FHIT: variants seen among roughly 807,000 people sequenced by gnomAD.
FHIT encodes the protein fragile histidine triad diadenosine triphosphatase.
FHIT carries 19 observed loss-of-function variants against 17.9 expected under a neutral mutation model. The ratio of observed to expected loss-of-function variants is 1.06; its 90% CI spans 0.74 to 1.56. The LOEUF is 1.56. Among genes scored for constraint, FHIT ranks in the 40% most tolerant of loss-of-function variants. The probability of loss-of-function intolerance (pLI) is 0.00; values close to 1 mark genes in which losing one functional copy is unlikely to be tolerated. For synonymous variants in FHIT, 81 were observed against 69.7 expected, an observed-to-expected ratio of 1.16 and a Z score of -0.81; for missense variants, 248 against 189.2, an observed-to-expected ratio of 1.31 and a Z score of -1.82.
At chr3:59,793,888 G>A (rs1699670262) in intron 8 of FHIT, among the ~76,000 whole-genome samples, 1 of 152,126 alleles carries the variant, frequency 6.6e-6, no homozygotes, top group African/African-American at 2.4e-5. Flanking sequence ...TCCTCACTGA[G>A]GCTTAGCAAT....
At chr3:61,134,425 C>A (rs1215622647) in intron 2 of FHIT, among the ~76,000 whole-genome samples, 1 of 152,088 alleles carries the variant, frequency 6.6e-6, no homozygotes, top group African/African-American at 2.4e-5. Flanking sequence ...GGAAGTATAG[C>A]AGTAAACAGG....
intron 5 of FHIT, among the ~76,000 whole-genome samples, chr3:60,474,045 A>G (rs2033222646): frequency 6.6e-6 from 1 of 152,176 alleles, no homozygotes; most frequent in African/African-American, 2.4e-5. Flanking sequence ...AGAAAAAAAG[A>G]CATCTTCATA....
intron 8 of FHIT, among the ~76,000 whole-genome samples, chr3:59,838,584 T>C (rs909587410): frequency 2.0e-5 from 3 of 152,138 alleles, no homozygotes; most frequent in African/African-American, 7.2e-5. Context: ...TCTGCTCTAC[T>C]GTGGAGTGGC....
At chr3:60,081,106 T>C (rs1435517311) in intron 5 of FHIT, among the ~76,000 whole-genome samples, 1 of 152,072 alleles carries the variant, frequency 6.6e-6, no homozygotes, top group African/African-American at 2.4e-5. Context: ...AGACAAATCT[T>C]AGAGGAATGC....
At position 60,863,057 on chromosome 3, in the gene FHIT, G is replaced by C. The variant is rs142653230; in HGVS notation, c.-110-41046C>G. 6.6e-3 allele frequency among the ~76,000 whole-genome samples: 998 copies of C among 152,228 alleles called. 12 individuals are homozygous for C. The highest frequency in any genetic ancestry group is 0.027 in the Middle Eastern group (8 of 294). ...GTGGAAGGTGGAAGAATCAGTCAGA[G>C]TGAGAAAGCAGAAGAGGATGCAGGA... On this transcript the variant is annotated intron_variant, in intron 3 of 9. Coordinates refer to ENST00000492590, the MANE Select transcript of FHIT (RefSeq NM_002012.4).
intron 2 of FHIT, among the ~76,000 whole-genome samples, chr3:61,180,621 G>A (rs1251582070): frequency 2.0e-5 from 3 of 152,164 alleles, no homozygotes; most frequent in Admixed American, 6.5e-5. Context: ...ACTAAATACC[G>A]AGGTTATGTT....
intron 4 of FHIT, among the ~76,000 whole-genome samples, chr3:60,783,474 C>T (rs1553726163): frequency 6.6e-6 from 1 of 152,164 alleles, no homozygotes; most frequent in Non-Finnish European, 1.5e-5. Context: ...GGATAAAGAA[C>T]AAGGCCAAGG....
chr3:59,979,636 T>G (rs1559516604), intron 7 of FHIT, among the ~76,000 whole-genome samples: 1 of 152,122 alleles, frequency 6.6e-6, no homozygotes. Flanking sequence ...GTGTACGCTG[T>G]CATGGAACAT....
intron 4 of FHIT, among the ~76,000 whole-genome samples, chr3:60,663,160 A>ATCTC (rs1448550195): frequency 7.5e-6 from 1 of 132,558 alleles, no homozygotes; most frequent in African/African-American, 3.0e-5. Context: ...GGAGATATAT[A>ATCTC]TCTCTTTAAT....
At chr3:60,122,884 T>G (rs1257835769) in intron 5 of FHIT, among the ~76,000 whole-genome samples, 1 of 152,232 alleles carries the variant, frequency 6.6e-6, no homozygotes, top group Non-Finnish European at 1.5e-5. Flanking sequence ...TTTTAAGTCA[T>G]AAGGGATCTG....
chr3:60,412,199 A>T (rs1237574666), intron 5 of FHIT, among the ~76,000 whole-genome samples: 1 of 151,980 alleles, frequency 6.6e-6, no homozygotes, highest in Non-Finnish European at 1.5e-5. Context: ...ACATAGTGAG[A>T]CTCCCATCTC....
chr3:59,943,417 A>G (rs1037188634), intron 7 of FHIT, among the ~76,000 whole-genome samples: 4 of 152,200 alleles, frequency 2.6e-5, no homozygotes, highest in Non-Finnish European at 5.9e-5. Context: ...AAGAGGAAGA[A>G]GAACATGAAT....
chr3:61,130,556 A>T (rs2036734698), intron 2 of FHIT, among the ~76,000 whole-genome samples: 1 of 152,178 alleles, frequency 6.6e-6, no homozygotes, highest in Non-Finnish European at 1.5e-5. Context: ...GGAAAAAGAT[A>T]AATGTTCCCC....
chr3:60,392,512 A>C (rs1366232714), intron 5 of FHIT, among the ~76,000 whole-genome samples: 4 of 152,202 alleles, frequency 2.6e-5, no homozygotes, highest in Non-Finnish European at 5.9e-5. Context: ...TTAACAGCAG[A>C]AACAGGCAAC....
At chr3:59,909,626 G>A (rs1230840576) in intron 8 of FHIT, among the ~76,000 whole-genome samples, 1 of 152,094 alleles carries the variant, frequency 6.6e-6, no homozygotes, top group Non-Finnish European at 1.5e-5. Context: ...AAGTCAAAGA[G>A]TAGAAATACC....
intron 4 of FHIT, among the ~76,000 whole-genome samples, chr3:60,572,402 T>G (rs890309267): frequency 6.6e-6 from 1 of 152,196 alleles, no homozygotes; most frequent in Non-Finnish European, 1.5e-5. Context: ...ATTGTGTTTA[T>G]AGAATATGTC....
intron 5 of FHIT, among the ~76,000 whole-genome samples, chr3:60,104,620 C>A (rs1057049239): frequency 6.6e-6 from 1 of 151,840 alleles, no homozygotes; most frequent in East Asian, 1.9e-4. Flanking sequence ...CAGATGAGAA[C>A]TTCAGATGAA....
intron 8 of FHIT, among the ~76,000 whole-genome samples, chr3:59,810,242 A>G (rs1700361216): frequency 6.6e-6 from 1 of 152,200 alleles, no homozygotes; most frequent in African/African-American, 2.4e-5. Context: ...AGCATGGAGC[A>G]TCCCAGCCAC....
At chr3:59,900,658 G>C (rs937317127) in intron 8 of FHIT, among the ~76,000 whole-genome samples, 21 of 152,140 alleles carry the variant, frequency 1.4e-4, no homozygotes, top group African/African-American at 4.8e-4. Flanking sequence ...CTGTTGCCCA[G>C]GCTGGAGTGC....
Sources: allele counts gnomAD v4.1 joint callset (sites outside exome capture counted in the v4.1 genomes callset), GRCh38; gene constraint gnomAD v4.1.1; transcripts MANE v1.5; gene names NCBI Gene and HGNC (gene_info 2026-07-23, HGNC 2026-07-21).